Variants in PCDHA3 observed in about 807,000 individuals in gnomAD.
The protein encoded by PCDHA3 is protocadherin alpha 3.
Under a neutral mutation model 62.2 loss-of-function variants are expected in PCDHA3, and 41 were observed. The observed-to-expected ratio is 0.66, with a 90% CI of 0.51 to 0.86. PCDHA3 has a LOEUF of 0.86. PCDHA3 is among the 40% of genes least tolerant of loss of function. The probability of loss-of-function intolerance (pLI) is 0.00; values close to 1 mark genes in which losing one functional copy is unlikely to be tolerated. For missense variants in PCDHA3, 1,304 were observed against 1,241.2 expected (o/e 1.05, Z -0.76); for synonymous variants, 640 against 555.4 (o/e 1.15, Z -2.14).
intron 1 of PCDHA3, among the ~76,000 whole-genome samples, chr5:140,921,929 A>C (rs2080500807): frequency 6.6e-6 from 1 of 152,126 alleles, no homozygotes; most frequent in African/African-American, 2.4e-5. Flanking sequence ...CTTATAGTCA[A>C]TATAATTTTA....
rs781883995 is a variant in PCDHA3, at chr5:140,876,273, C to A, written c.2394+72682C>A. Reference sequence around the variant, plus strand: ...CAAGAGTGATCCAACTAAATGCTTCCGATCCAGACGAAGGACTTAATGGAG... The same window carrying A: ...CAAGAGTGATCCAACTAAATGCTTCAGATCCAGACGAAGGACTTAATGGAG... On this transcript the variant is annotated intron_variant, in intron 1 of 3. Coordinates refer to ENST00000522353, the MANE Select transcript of PCDHA3 (RefSeq NM_018906.3). 6.8e-6 allele frequency: 11 copies of A among 1,613,984 alleles called. No individual in the cohort carries two copies. The South Asian group carries it at 1.2e-4, about 18-fold the overall frequency.
intron 1 of PCDHA3, among the ~76,000 whole-genome samples, chr5:140,832,729 C>T (rs1170973307): frequency 1.1e-4 from 17 of 152,054 alleles, no homozygotes; most frequent in African/African-American, 4.1e-4. Context: ...AGGTAAGTAT[C>T]CTACATAAAT....
intron 1 of PCDHA3, chr5:140,857,619 A>G: frequency 6.3e-7 from 1 of 1,596,352 alleles, no homozygotes; most frequent in Non-Finnish European, 8.6e-7. Flanking sequence ...CCGCTGGACC[A>G]CGAGGAGCTG....
At chr5:140,839,346 C>T (rs1354845524) in intron 1 of PCDHA3, among the ~76,000 whole-genome samples, 1 of 149,510 alleles carries the variant, frequency 6.7e-6, no homozygotes, top group African/African-American at 2.5e-5. Flanking sequence ...ATAGGGGATC[C>T]TCCTTAGCCA....
intron 1 of PCDHA3, chr5:140,827,998 C>G: frequency 2.0e-6 from 3 of 1,482,462 alleles, no homozygotes; most frequent in Non-Finnish European, 2.7e-6. Flanking sequence ...TGATGGCGGA[C>G]GCAGAAGAAA....
At chr5:140,934,437 T>C (rs950173265) in intron 1 of PCDHA3, among the ~76,000 whole-genome samples, 4 of 152,298 alleles carry the variant, frequency 2.6e-5, no homozygotes, top group Admixed American at 6.5e-5. Context: ...AGTGTAAATA[T>C]AGTGAAAAAT....
chr5:140,882,094 C>T, intron 1 of PCDHA3: 1 of 1,172,684 alleles, frequency 8.5e-7, no homozygotes, highest in Non-Finnish European at 1.2e-6. Context: ...TCACTGAGAA[C>T]GTTTCCGCGA....
In PCDHA3 at chr5:140,997,052, G is replaced by A. The variant is rs1410360967; in HGVS notation, c.2543-12575G>A. On this transcript the variant is annotated intron_variant, in intron 3 of 3. Transcript: ENST00000522353. ...AAATTAATGAACTTTACTTTTTAGAGCAGTTTTAGGTTCACAGGAAAGTTG... is the reference window on the plus strand; with the variant it reads ...AAATTAATGAACTTTACTTTTTAGAACAGTTTTAGGTTCACAGGAAAGTTG... Among the ~76,000 whole-genome samples, 5 of 152,148 alleles carry A rather than the reference G, an allele frequency of 3.3e-5. No homozygotes were observed. The East Asian group carries it at 9.6e-4, about 29-fold the overall frequency.
intron 1 of PCDHA3, among the ~76,000 whole-genome samples, chr5:140,962,255 A>G (rs991096495): frequency 2.0e-5 from 3 of 152,204 alleles, no homozygotes; most frequent in African/African-American, 7.2e-5. Flanking sequence ...TCAATGAAAA[A>G]TAATTTTATA....
chr5:140,943,823 G>A (rs1431339857), intron 1 of PCDHA3, among the ~76,000 whole-genome samples: 3 of 152,206 alleles, frequency 2.0e-5, no homozygotes, highest in African/African-American at 7.2e-5. Flanking sequence ...AAGAAAATGA[G>A]TTGATTGAAG....
intron 1 of PCDHA3, among the ~76,000 whole-genome samples, chr5:140,914,843 A>G (rs1269507537): frequency 6.6e-6 from 1 of 152,142 alleles, no homozygotes; most frequent in Non-Finnish European, 1.5e-5. Context: ...CAAACACACA[A>G]AAGGAAGACT....
intron 1 of PCDHA3, among the ~76,000 whole-genome samples, chr5:140,889,404 G>A (rs565254911): frequency 2.0e-5 from 3 of 151,972 alleles, no homozygotes; most frequent in South Asian, 2.1e-4. Context: ...TAATTTACTC[G>A]AGTCAGTTAC....
At chr5:140,967,921 C>A (rs781932025) in intron 1 of PCDHA3, 3 of 1,614,172 alleles carry the variant, frequency 1.9e-6, no homozygotes, top group Middle Eastern at 3.3e-4. Context: ...CCATTGTGGC[C>A]GTTCTCAGTG....
chr5:140,887,525 TC>T (rs552124664), intron 1 of PCDHA3, among the ~76,000 whole-genome samples: 1 of 152,154 alleles, frequency 6.6e-6, no homozygotes, highest in South Asian at 2.1e-4. Context: ...TATATATGAG[TC>T]TTCCTCTCCC....
intron 1 of PCDHA3, chr5:140,824,437 G>T: frequency 2.1e-6 from 1 of 479,118 alleles, no homozygotes. Flanking sequence ...CAAAGTTTCA[G>T]TTTATGACTA....
chr5:140,909,454 C>G (rs1317276726), intron 1 of PCDHA3, among the ~76,000 whole-genome samples: 2 of 152,190 alleles, frequency 1.3e-5, no homozygotes, highest in African/African-American at 4.8e-5. Flanking sequence ...TCTCCAAGAT[C>G]CATCTGTCTT....
intron 1 of PCDHA3, among the ~76,000 whole-genome samples, chr5:140,839,681 GA>G (rs1261753126): frequency 6.6e-6 from 1 of 152,000 alleles, no homozygotes; most frequent in Non-Finnish European, 1.5e-5. Context: ...CAACTACAGA[GA>G]TTTTTTTGGG....
intron 3 of PCDHA3, 116 bp from the exon 4 acceptor site, chr5:141,009,511 G>A (rs2098410295): frequency 2.7e-5 from 41 of 1,498,054 alleles, no homozygotes; most frequent in Admixed American, 9.3e-5. Context: ...CAAACAACTC[G>A]TGATTTTTCT....
chr5:141,002,141 A>G (rs1554258528), intron 3 of PCDHA3, among the ~76,000 whole-genome samples: 3 of 152,258 alleles, frequency 2.0e-5, no homozygotes, highest in Admixed American at 6.5e-5. Context: ...TGCCGGCTGC[A>G]CTGACTTAGC....
Sources: allele counts gnomAD v4.1 joint callset (sites outside exome capture counted in the v4.1 genomes callset), GRCh38; gene constraint gnomAD v4.1.1; transcripts MANE v1.5; gene names NCBI Gene and HGNC (gene_info 2026-07-23, HGNC 2026-07-21).